The following STPG2 variants were observed in gnomAD, a reference collection of about 807,000 sequenced individuals.
STPG2 encodes sperm-tail PG-rich repeat-containing protein 2.
A neutral mutation model predicts 54.2 loss-of-function variants in STPG2; 56 were observed. The ratio of observed to expected loss-of-function variants is 1.03; its 90% CI spans 0.83 to 1.29. The LOEUF (loss-of-function observed/expected upper bound fraction) is 1.29. STPG2 is among the 50% of genes most tolerant of loss of function. The pLI is 0.00. For missense variants in STPG2, 596 were observed against 544.9 expected (o/e 1.09, Z -0.93); for synonymous variants, 200 against 181.8 (o/e 1.10, Z -0.81).
chr4:97,894,772 T>C (rs2149178573), intron 8 of STPG2, among the ~76,000 whole-genome samples: 1 of 152,074 alleles, frequency 6.6e-6, no homozygotes, highest in African/African-American at 2.4e-5. Flanking sequence ...CAAATGCTGG[T>C]ATCCTAATTC....
At chr4:97,723,172 T>C (rs1195668210) in intron 9 of STPG2, among the ~76,000 whole-genome samples, 1 of 152,068 alleles carries the variant, frequency 6.6e-6, no homozygotes, top group Non-Finnish European at 1.5e-5. Context: ...ACTGAGCTTT[T>C]CCTAGGATGC....
At chr4:97,933,467 G>C (rs555072107) in intron 8 of STPG2, among the ~76,000 whole-genome samples, 13 of 152,134 alleles carry the variant, frequency 8.5e-5, no homozygotes, top group Non-Finnish European at 1.3e-4. Context: ...TTATTGCCTA[G>C]ATTTTCCCCC....
chr4:97,888,037 A>C (rs148344412), intron 8 of STPG2, among the ~76,000 whole-genome samples: 150 of 152,344 alleles, frequency 9.8e-4, no homozygotes, highest in African/African-American at 3.3e-3. Context: ...CACAGAGTGC[A>C]AGAGTTGAGT....
chr4:98,092,238 T>A lies in STPG2; in HGVS notation c.612+13715A>T, dbSNP rs867724574. Among the ~76,000 whole-genome samples, 5 of 152,244 alleles carry A rather than the reference T, an allele frequency of 3.3e-5. 1 individual carries two copies. In the South Asian group the frequency reaches 1.0e-3, roughly 31 times the overall value. The stretch of plus-strand genomic sequence containing the variant: ...CATCTTTATTGACACTTTTTTCACT[T>A]CTTTAAAATCCATAATTTAAAAATT... On this transcript the variant is annotated intron_variant, in intron 5 of 10. Coordinates refer to ENST00000295268, the MANE Select transcript of STPG2 (RefSeq NM_174952.3).
At chr4:97,801,896 A>G (rs888823201) in intron 9 of STPG2, among the ~76,000 whole-genome samples, 1 of 152,196 alleles carries the variant, frequency 6.6e-6, no homozygotes, top group South Asian at 2.1e-4. Context: ...GATTGGCATA[A>G]CAGGAATTAC....
intron 9 of STPG2, among the ~76,000 whole-genome samples, chr4:97,766,479 G>A (rs1399352513): frequency 3.3e-5 from 5 of 152,000 alleles, no homozygotes; most frequent in African/African-American, 1.2e-4. Context: ...TTTATGAAAT[G>A]ATCGTCTATT....
At chr4:98,003,002 G>A (rs1407276082) in intron 5 of STPG2, among the ~76,000 whole-genome samples, 1 of 152,018 alleles carries the variant, frequency 6.6e-6, no homozygotes, top group Non-Finnish European at 1.5e-5. Context: ...ACTCAATGGT[G>A]GGCAGCTTAA....
chr4:97,781,940 A>G (rs1726641433), intron 9 of STPG2, among the ~76,000 whole-genome samples: 1 of 152,214 alleles, frequency 6.6e-6, no homozygotes, highest in Non-Finnish European at 1.5e-5. Context: ...TCTTAAAATA[A>G]TAAGAGCTAT....
chr4:97,495,573 A>G (rs1377350999), intron 4 of STPG2, among the ~76,000 whole-genome samples: 3 of 151,292 alleles, frequency 2.0e-5, no homozygotes, highest in African/African-American at 7.3e-5. Flanking sequence ...GATCTCAAAA[A>G]CTAAGGAAAT....
At chr4:97,441,418 A>G (rs1001932989) in intron 4 of STPG2, 1 of 152,030 alleles carries the variant, frequency 6.6e-6, no homozygotes, top group African/African-American at 2.4e-5. Flanking sequence ...AGATGTTAGA[A>G]GAGCAATTAT....
intron 9 of STPG2, among the ~76,000 whole-genome samples, chr4:97,782,727 C>T (rs1466911289): frequency 6.6e-6 from 1 of 152,140 alleles, no homozygotes; most frequent in Non-Finnish European, 1.5e-5. Flanking sequence ...GGTACCAAAA[C>T]ACAGATATAG....
At chr4:97,544,935 T>C (rs1049883338) in intron 4 of STPG2, among the ~76,000 whole-genome samples, 2 of 152,218 alleles carry the variant, frequency 1.3e-5, no homozygotes, top group Middle Eastern at 3.4e-3. Context: ...TAAAATCTGG[T>C]ACTACGAATG....
chr4:97,880,440 C>A (rs966057007), intron 8 of STPG2, among the ~76,000 whole-genome samples: 1 of 152,074 alleles, frequency 6.6e-6, no homozygotes, highest in Admixed American at 6.6e-5. Flanking sequence ...CAAAAAATGG[C>A]AAGATCTATT....
rs561711858 is a variant in STPG2, at chr4:97,734,838, C to T, written c.1205-22024G>A. Among the ~76,000 whole-genome samples, 671 of 151,960 alleles carry T rather than the reference C, an allele frequency of 4.4e-3. 3 individuals are homozygous for T. The highest frequency in any genetic ancestry group is 0.024 in the South Asian group (116 of 4,806). On this transcript the variant is annotated intron_variant, in intron 9 of 10. Coordinates refer to ENST00000295268, the MANE Select transcript of STPG2 (RefSeq NM_174952.3). The stretch of plus-strand genomic sequence containing the variant: ...CTGTAATCCTAGCACTTTGGGGGGC[C>T]GAGGCAGGTGGATCACAAGGTCAGC...
intron 8 of STPG2, among the ~76,000 whole-genome samples, chr4:97,902,580 C>A (rs1337603465): frequency 6.6e-6 from 1 of 152,004 alleles, no homozygotes; most frequent in Admixed American, 6.6e-5. Flanking sequence ...AAATGAAAAT[C>A]AAAACCACAA....
At chr4:97,510,135 C>T (rs2148839821) in intron 4 of STPG2, among the ~76,000 whole-genome samples, 1 of 152,152 alleles carries the variant, frequency 6.6e-6, no homozygotes, top group Middle Eastern at 3.4e-3. Flanking sequence ...AAATTATCTA[C>T]ACACTAGCAC....
intron 10 of STPG2, among the ~76,000 whole-genome samples, chr4:97,647,976 A>G (rs1347453124): frequency 1.3e-5 from 2 of 152,076 alleles, no homozygotes; most frequent in Non-Finnish European, 2.9e-5. Flanking sequence ...GTTACCTAAG[A>G]GCTAATCTGA....
intron 4 of STPG2, among the ~76,000 whole-genome samples, chr4:97,457,987 T>C (rs987068897): frequency 6.6e-6 from 1 of 152,176 alleles, no homozygotes; most frequent in African/African-American, 2.4e-5. Context: ...TAATCAGAGG[T>C]TCATAACTAT....
At chr4:97,508,940 C>A (rs1179528711) in intron 4 of STPG2, among the ~76,000 whole-genome samples, 1 of 152,086 alleles carries the variant, frequency 6.6e-6, no homozygotes, top group Non-Finnish European at 1.5e-5. Context: ...ACACTGTTTT[C>A]ATTGTCTTTT....
Sources: gnomAD v4.1 joint callset for allele counts (sites outside exome capture counted in the v4.1 genomes callset) on GRCh38, gnomAD v4.1.1 for gene constraint, MANE v1.5 for transcripts, NCBI Gene and HGNC (gene_info 2026-07-23, HGNC 2026-07-21) for gene names.